Variants in MSTO1 observed in about 807,000 individuals in gnomAD.
MSTO1 encodes the protein protein misato homolog 1.
Under a neutral mutation model 55.7 loss-of-function variants are expected in MSTO1, and 24 were observed. That is an observed-to-expected ratio of 0.43 (90% CI 0.31 to 0.61). MSTO1 has a LOEUF of 0.61. Among genes scored for constraint, MSTO1 ranks in the 20% least tolerant of loss-of-function variants. The pLI is 0.09. For synonymous variants in MSTO1, 162 were observed against 252.8 expected (o/e 0.64, Z 3.41); for missense variants, 363 against 625.7 (o/e 0.58, Z 4.48).
upstream of MSTO1, among the ~76,000 whole-genome samples, chr1:155,609,277 G>C (rs1348838621): frequency 4.1e-5 from 4 of 97,722 alleles, no homozygotes; most frequent in African/African-American, 8.1e-5. Flanking sequence ...ACAGAGTCTC[G>C]CTCTGTCGCC....
At chr1:155,577,732 T>C in the MSTO1 span, among the ~76,000 whole-genome samples, 2 of 152,198 alleles carry the variant, frequency 1.3e-5, no homozygotes, top group Non-Finnish European at 2.9e-5. Context: ...TCCATATGAA[T>C]TTTGAGATCA....
At chr1:155,582,748 C>T in the MSTO1 span, among the ~76,000 whole-genome samples, 2 of 152,062 alleles carry the variant, frequency 1.3e-5, no homozygotes, top group Non-Finnish European at 2.9e-5. Flanking sequence ...CATGAGCCAC[C>T]GCGCCCGGCC....
At chr1:155,580,492 G>A in the MSTO1 span, among the ~76,000 whole-genome samples, 201 of 152,220 alleles carry the variant, frequency 1.3e-3, no homozygotes, top group Non-Finnish European at 2.6e-3. Context: ...CCGTGATCAC[G>A]CCACTGCACT....
At chr1:155,590,651 G>C in the MSTO1 span, 1 of 1,417,530 alleles carries the variant, frequency 7.1e-7, no homozygotes, top group Non-Finnish European at 9.6e-7. Flanking sequence ...GAGATGGCAG[G>C]GGCAGATGTC....
upstream of MSTO1, among the ~76,000 whole-genome samples, chr1:155,609,217 G>A (rs1262831854): frequency 6.2e-4 from 52 of 84,528 alleles, no homozygotes; most frequent in South Asian, 4.0e-3. Context: ...ATTATCAGCA[G>A]TATATATATA....
chr1:155,565,722 A>G, the MSTO1 span, among the ~76,000 whole-genome samples: 4 of 152,346 alleles, frequency 2.6e-5, 1 homozygote, highest in Middle Eastern at 0.014. Context: ...ACACTGATCA[A>G]TGAATTATCA....
chr1:155,571,393 A>G, the MSTO1 span, among the ~76,000 whole-genome samples: 1 of 152,118 alleles, frequency 6.6e-6, no homozygotes, highest in Admixed American at 6.6e-5. Flanking sequence ...GCTCAAGACA[A>G]TTCTTTCGAC....
upstream of MSTO1, among the ~76,000 whole-genome samples, chr1:155,605,264 A>T (rs1296979634): frequency 0.014 from 1,172 of 86,012 alleles, 15 homozygotes; most frequent in African/African-American, 0.038. Context: ...CCATCACAAA[A>T]CAAAACAAAA....
the MSTO1 span, among the ~76,000 whole-genome samples, chr1:155,581,987 C>T: frequency 6.8e-6 from 1 of 147,658 alleles, no homozygotes; most frequent in Non-Finnish European, 1.5e-5. Flanking sequence ...CGGAATTTCG[C>T]TCTTGTTGCC....
the MSTO1 span, among the ~76,000 whole-genome samples, chr1:155,601,215 C>A: frequency 6.7e-6 from 1 of 149,070 alleles, no homozygotes; most frequent in African/African-American, 2.5e-5. Context: ...CTCATTGCAA[C>A]CTCCGCCTCC....
At chr1:155,577,658 T>C in the MSTO1 span, among the ~76,000 whole-genome samples, 3 of 152,218 alleles carry the variant, frequency 2.0e-5, no homozygotes, top group Non-Finnish European at 4.4e-5. Flanking sequence ...GGAATCAAGA[T>C]GTATGAGTCC....
At chr1:155,588,577 C>T in the MSTO1 span, among the ~76,000 whole-genome samples, 3 of 152,144 alleles carry the variant, frequency 2.0e-5, no homozygotes, top group Non-Finnish European at 2.9e-5. Context: ...AAAGCCCGCA[C>T]GAGATGCCAG....
chr1:155,613,303 T>G, intron 11 of MSTO1, 70 bp downstream of exon 11: 1 of 1,581,206 alleles, frequency 6.3e-7, no homozygotes, highest in Non-Finnish European at 8.6e-7. Flanking sequence ...CTAATTTCTC[T>G]GGGGCATTCT....
chr1:155,566,307 C>T, the MSTO1 span: 1 of 152,168 alleles, frequency 6.6e-6, no homozygotes, highest in Non-Finnish European at 1.5e-5. Context: ...CCGACTCCAT[C>T]TTGGGGTCCT....
At chr1:155,605,087 C>T in the MSTO1 span, among the ~76,000 whole-genome samples, 1 of 152,084 alleles carries the variant, frequency 6.6e-6, no homozygotes, top group African/African-American at 2.4e-5. Context: ...ATGGCGAAAC[C>T]CCATCTCTAC....
chr1:155,575,169 T>C, the MSTO1 span, among the ~76,000 whole-genome samples: 12 of 151,710 alleles, frequency 7.9e-5, no homozygotes, highest in Admixed American at 2.6e-4. Flanking sequence ...GCCAGGCTAA[T>C]ACTTGTACTT....
chr1:155,604,919 A>C, the MSTO1 span, among the ~76,000 whole-genome samples: 1 of 152,082 alleles, frequency 6.6e-6, no homozygotes. Flanking sequence ...AAATTGATAA[A>C]AACTGATTTA....
At chr1:155,570,762 C>G in the MSTO1 span, among the ~76,000 whole-genome samples, 10 of 151,738 alleles carry the variant, frequency 6.6e-5, no homozygotes, top group Non-Finnish European at 1.5e-5. Context: ...TAGGAAAAAA[C>G]TGTGTGTGTG....
chr1:155,601,084 G>A, the MSTO1 span, among the ~76,000 whole-genome samples: 1 of 149,888 alleles, frequency 6.7e-6, no homozygotes, highest in East Asian at 2.0e-4. Context: ...CTCCCAAAGT[G>A]CTGGGATTAT....
Sources: gnomAD v4.1 joint callset for allele counts (sites outside exome capture counted in the v4.1 genomes callset) on GRCh38, gnomAD v4.1.1 for gene constraint, MANE v1.5 for transcripts, NCBI Gene and HGNC (gene_info 2026-07-23, HGNC 2026-07-21) for gene names.